ACAD9: variants seen among roughly 807,000 people sequenced by gnomAD.
ACAD9 encodes the protein complex I assembly factor ACAD9, mitochondrial.
A neutral mutation model predicts 70.2 loss-of-function variants in ACAD9; 53 were observed. That is an observed-to-expected ratio of 0.75 (90% CI 0.61 to 0.95). The LOEUF is 0.95. ACAD9 is among the 40% of genes least tolerant of loss of function. The probability of loss-of-function intolerance (pLI) is 0.00; values close to 1 mark genes in which losing one functional copy is unlikely to be tolerated. For missense variants in ACAD9, 777 were observed against 802.8 expected (o/e 0.97, Z 0.39); for synonymous variants, 313 against 312.1 (o/e 1.00, Z -0.03).
intron 2 of ACAD9, among the ~76,000 whole-genome samples, chr3:128,889,090 C>G (rs1296894083): frequency 6.6e-6 from 1 of 151,690 alleles, no homozygotes; most frequent in Non-Finnish European, 1.5e-5. Flanking sequence ...CAAATACTTA[C>G]CATTGTGTTA....
At chr3:128,901,441 GTA>G in intron 8 of ACAD9, 92 bp downstream of exon 8, 1 of 1,399,848 alleles carries the variant, frequency 7.1e-7, no homozygotes, top group South Asian at 1.2e-5. Context: ...TCGTAGCAGA[GTA>G]GCCTGTGCAT....
Position 128,896,491 on chromosome 3 carries a change from C to G in ACAD9, c.509C>G (p.Ala170Gly), listed in dbSNP as rs762521317. 6.2e-7 allele frequency: 1 copy of G among 1,614,188 alleles called. No individual in the cohort carries two copies. The highest frequency in any genetic ancestry group is 8.5e-7 in the Non-Finnish European group (1 of 1,180,046). Residue 170 changes from alanine (A) to glycine (G), a missense_variant, in exon 5 of 18, where the codon GCG (alanine) becomes GGG (glycine). Coordinates refer to ENST00000308982, the MANE Select transcript of ACAD9 (RefSeq NM_014049.5). Reference sequence around the variant, plus strand: ...AAAGCCAAATACTTGCCTAAACTGGCGTCCGGGGAGCACATTGCAGCCTTC... The same window carrying G: ...AAAGCCAAATACTTGCCTAAACTGGGGTCCGGGGAGCACATTGCAGCCTTC... ...EQKAKYLPKL[A>G]SGEHIAAFCL...
intron 17 of ACAD9, 30 bp from the exon 18 acceptor site, chr3:128,912,477 T>A: frequency 6.3e-7 from 1 of 1,592,202 alleles, no homozygotes; most frequent in Non-Finnish European, 8.6e-7. Flanking sequence ...TGCAGAAAGA[T>A]CACCCACCAT....
chr3:128,899,567 G>GTGTGTGT, intron 7 of ACAD9, 106 bp downstream of exon 7: 4 of 986,066 alleles, frequency 4.1e-6, no homozygotes, highest in Non-Finnish European at 5.6e-6. Context: ...TGTGTGTAAG[G>GTGTGTGT]GGGAGACTGG....
chr3:128,887,126 T>C (rs770329455), intron 2 of ACAD9, among the ~76,000 whole-genome samples: 5 of 152,082 alleles, frequency 3.3e-5, no homozygotes, highest in Non-Finnish European at 5.9e-5. Context: ...GGTTTCACCA[T>C]GTTGGCCAGG....
intron 16 of ACAD9, 108 bp from the exon 17 acceptor site, chr3:128,910,612 GGTGACTCCTGTGCCAGGCCTT>G (rs758589061): frequency 9.2e-5 from 92 of 1,004,694 alleles, no homozygotes; most frequent in Admixed American, 2.4e-4. Context: ...CCCAAGACGG[GGTGACTCCTGTGCCAGGCCTT>G]GTGACCCCTG....
Position 128,882,441 on chromosome 3 carries a change from G to A in ACAD9, c.151-2212G>A, listed in dbSNP as rs544690771. ...GGTTTTCTCTACTTTTAGGTTCTTA[G>A]AATCTGACCACTTTTAGGCCCTTCT... On this transcript the variant is annotated intron_variant, in intron 1 of 17. Coordinates refer to ENST00000308982, the MANE Select transcript of ACAD9 (RefSeq NM_014049.5). Among the ~76,000 whole-genome samples, 23 of 152,290 alleles carry A rather than the reference G, an allele frequency of 1.5e-4. No homozygotes were observed. The South Asian group carries it at 4.8e-3, about 32-fold the overall frequency.
intron 4 of ACAD9, 88 bp from the exon 5 acceptor site, chr3:128,896,348 A>G: frequency 7.3e-7 from 1 of 1,366,406 alleles, no homozygotes; most frequent in South Asian, 1.2e-5. Context: ...CGAAGTAAAT[A>G]TTTGCCTCAG....
chr3:128,903,455 G>A (rs1452486305), intron 9 of ACAD9, among the ~76,000 whole-genome samples: 2 of 152,160 alleles, frequency 1.3e-5, no homozygotes, highest in African/African-American at 4.8e-5. Flanking sequence ...AGTGGGGCTC[G>A]GCCCTCTACA....
chr3:128,911,022 G>A (rs985937094), intron 17 of ACAD9, among the ~76,000 whole-genome samples: 1 of 152,200 alleles, frequency 6.6e-6, no homozygotes, highest in Non-Finnish European at 1.5e-5. Context: ...CACCAAGGCA[G>A]TTGTATGTAT....
chr3:128,908,021 C>T (rs1249626442), intron 12 of ACAD9, among the ~76,000 whole-genome samples, 164 bp from the exon 13 acceptor site: 5 of 152,230 alleles, frequency 3.3e-5, no homozygotes, highest in Admixed American at 6.5e-5. Flanking sequence ...CATCCCTGTG[C>T]ACTCCCTGAG....
intron 3 of ACAD9, among the ~76,000 whole-genome samples, chr3:128,894,533 C>CTTT (rs34217688): frequency 6.8e-5 from 9 of 133,260 alleles, no homozygotes; most frequent in South Asian, 2.4e-4. Flanking sequence ...AGATTGCGAG[C>CTTT]TTTTTTTTTT....
Position 128,910,903 on chromosome 3 carries a change from A to G in ACAD9, c.1765+90A>G. ...TGTTTCTGGACCCTGTCAAGCTCCC[A>G]GAGCCTGCTAGCTACTCACAGACCT... On this transcript the variant is annotated intron_variant, in intron 17 of 17. Coordinates refer to ENST00000308982, the MANE Select transcript of ACAD9 (RefSeq NM_014049.5). 3 of 1,458,000 alleles carry G rather than the reference A, an allele frequency of 2.1e-6. No individual in the cohort carries two copies. The African/African-American group carries it at 4.2e-5, about 20-fold the overall frequency. The allele number at this position is 1,458,000 out of a possible 1,614,324, so 90.3% of individuals were successfully genotyped here.
At chr3:128,887,208 C>T (rs1017678136) in intron 2 of ACAD9, among the ~76,000 whole-genome samples, 17 of 152,000 alleles carry the variant, frequency 1.1e-4, no homozygotes, top group African/African-American at 2.2e-4. Flanking sequence ...TGTCAGCCAC[C>T]GCACCTGTCC....
At position 128,910,072 on chromosome 3, in the gene ACAD9, A is replaced by T. The variant is rs1405512516; in HGVS notation, c.1615A>T (p.Asn539Tyr). The change falls in exon 16 of 18, where the codon AAC (asparagine) becomes TAC (tyrosine). Residue 539 changes from asparagine to tyrosine, a missense_variant. Coordinates refer to ENST00000308982, the MANE Select transcript of ACAD9 (RefSeq NM_014049.5). ...VLKRVANILI[N>Y]LYGMTAVLSR... The stretch of plus-strand genomic sequence containing the variant: ...GAAGCGGGTGGCCAACATCCTCATC[A>T]ACCTGTATGGCATGACGGCCGTGCT... The T allele has an allele frequency of 6.2e-7, 1 of 1,614,030 alleles. No individual in the cohort carries two copies. Among genetic ancestry groups the T allele is most frequent in the Non-Finnish European group, 8.5e-7 (1 of 1,180,018 alleles).
intron 11 of ACAD9, among the ~76,000 whole-genome samples, chr3:128,904,910 C>T (rs1321723508): frequency 2.6e-5 from 4 of 152,044 alleles, no homozygotes; most frequent in African/African-American, 4.8e-5. Context: ...TTTGGGGGGC[C>T]GAGGTGGATG....
rs71153150 is a variant in ACAD9 at position 128,887,644 on chromosome 3, AAT to A, written c.244+2921_244+2922del. Reference sequence around the variant, plus strand: ...AAAAATAAAAATAAAAAAATAAATAAATATATATATATATATATATATATGCA... The same window carrying A: ...AAAAATAAAAATAAAAAAATAAATAAATATATATATATATATATATATGCA... On this transcript the variant is annotated intron_variant, in intron 2 of 17. Coordinates refer to ENST00000308982, the MANE Select transcript of ACAD9 (RefSeq NM_014049.5). 2.3e-3 allele frequency among the ~76,000 whole-genome samples: 300 copies of A among 133,080 alleles called. 5 individuals carry two copies. Among genetic ancestry groups the A allele is most frequent in the African/African-American group, 5.9e-3 (205 of 34,598 alleles). 87.3% of individuals were successfully genotyped at this position (133,080 alleles called of 152,430 possible). A position where few individuals can be genotyped will look rare whatever the true frequency, so the allele number is the denominator to read the frequency against.
chr3:128,908,524 G>C, intron 13 of ACAD9: 1 of 589,026 alleles, frequency 1.7e-6, no homozygotes, highest in South Asian at 2.0e-5. Flanking sequence ...TCACACTAGA[G>C]GCAGCTGGTT....
intron 3 of ACAD9, among the ~76,000 whole-genome samples, chr3:128,894,872 A>ATTTTT (rs138817276): frequency 3.8e-5 from 4 of 105,408 alleles, no homozygotes; most frequent in African/African-American, 1.2e-4. Context: ...CTGTATTGTG[A>ATTTTT]TTTTTTTTTT....
Sources: allele counts gnomAD v4.1 joint callset (sites outside exome capture counted in the v4.1 genomes callset), GRCh38; gene constraint gnomAD v4.1.1; transcripts MANE v1.5; gene names NCBI Gene and HGNC (gene_info 2026-07-23, HGNC 2026-07-21).